RBMS3: variants seen among roughly 807,000 people sequenced by gnomAD.
RBMS3 encodes the protein RNA-binding motif, single-stranded-interacting protein 3.
In RBMS3, 27 loss-of-function variants were observed where a neutral mutation model predicts 66.8. The ratio of observed to expected loss-of-function variants is 0.40; its 90% confidence interval spans 0.30 to 0.56. The LOEUF (loss-of-function observed/expected upper bound fraction) is 0.56. Among genes scored for constraint, RBMS3 ranks in the 20% least tolerant of loss-of-function variants. The probability of loss-of-function intolerance (pLI) is 0.40; values close to 1 mark genes in which losing one functional copy is unlikely to be tolerated. For synonymous variants in RBMS3, 188 were observed against 183.0 expected (o/e 1.03, Z -0.22); for missense variants, 513 against 549.5 (o/e 0.93, Z 0.66).
Position 29,339,085 on chromosome 3 carries a change from C to T in RBMS3, c.75+57329C>T, listed in dbSNP as rs562872020. Among the ~76,000 whole-genome samples, 6 of 152,294 alleles carry T rather than the reference C, an allele frequency of 3.9e-5. No individual in the cohort carries two copies. In the South Asian group the frequency reaches 1.2e-3, roughly 32 times the overall value. ...CTCTAACTCTTGTTGGCCTCTCACC[C>T]CCACCTGTGGTATCCCCTGACAGGG... On this transcript the variant is annotated intron_variant, in intron 1 of 14. Transcript: ENST00000383767.
chr3:29,552,660 A>G (rs1484397511), intron 3 of RBMS3, among the ~76,000 whole-genome samples: 2 of 152,136 alleles, frequency 1.3e-5, no homozygotes, highest in African/African-American at 4.8e-5. Flanking sequence ...TTGGATATTG[A>G]CTGAAGAAAA....
At chr3:29,642,279 C>T (rs545761574) in intron 4 of RBMS3, among the ~76,000 whole-genome samples, 5 of 152,152 alleles carry the variant, frequency 3.3e-5, no homozygotes, top group African/African-American at 1.2e-4. Context: ...CTTATTTACA[C>T]CCAGGTTTCT....
chr3:29,685,671 C>T (rs2051700819), intron 4 of RBMS3, among the ~76,000 whole-genome samples: 1 of 152,160 alleles, frequency 6.6e-6, no homozygotes, highest in Non-Finnish European at 1.5e-5. Context: ...AGGAACTGTG[C>T]GACTCGACCT....
At chr3:29,939,077 A>G (rs1380633132) in intron 11 of RBMS3, among the ~76,000 whole-genome samples, 3 of 151,892 alleles carry the variant, frequency 2.0e-5, no homozygotes, top group Non-Finnish European at 4.4e-5. Context: ...CCATGGTATA[A>G]ATCACTTACC....
chr3:29,347,144 A>C (rs1452942949), intron 1 of RBMS3, among the ~76,000 whole-genome samples: 1 of 152,192 alleles, frequency 6.6e-6, no homozygotes, highest in Admixed American at 6.5e-5. Context: ...TGAGAGAGAC[A>C]AATAATGGGG....
Position 29,729,092 on chromosome 3 carries a change from T to C in RBMS3, c.400-10628T>C, listed in dbSNP as rs545239870. Reference sequence around the variant, plus strand: ...TTGGTTTGCTGCACCCATCAGCTTGTCATTTACATTAGGTATTTCTCCTAA... The same window carrying C: ...TTGGTTTGCTGCACCCATCAGCTTGCCATTTACATTAGGTATTTCTCCTAA... On this transcript the variant is annotated intron_variant, in intron 4 of 14. Coordinates refer to ENST00000383767, the MANE Select transcript of RBMS3 (RefSeq NM_001003793.3). 2.7e-4 allele frequency among the ~76,000 whole-genome samples: 41 copies of C among 152,218 alleles called. No individual in the cohort carries two copies. The South Asian group carries it at 8.5e-3, about 32-fold the overall frequency.
At chr3:29,794,757 C>G (rs1477578230) in intron 6 of RBMS3, among the ~76,000 whole-genome samples, 1 of 152,160 alleles carries the variant, frequency 6.6e-6, no homozygotes, top group Non-Finnish European at 1.5e-5. Flanking sequence ...CTTGAATCCT[C>G]AAGTTTAGGA....
chr3:29,341,967 T>G (rs879778611), intron 1 of RBMS3, among the ~76,000 whole-genome samples: 1 of 152,152 alleles, frequency 6.6e-6, no homozygotes, highest in African/African-American at 2.4e-5. Context: ...CTCTCGAATG[T>G]GCAACCTCAC....
intron 12 of RBMS3, among the ~76,000 whole-genome samples, chr3:29,981,756 C>G (rs950702896): frequency 3.3e-5 from 5 of 152,096 alleles, no homozygotes; most frequent in Non-Finnish European, 4.4e-5. Flanking sequence ...GTTGAAGCAG[C>G]CTTGCATCCC....
At chr3:29,605,750 AAGTTGACTTT>A (rs201887983) in intron 4 of RBMS3, among the ~76,000 whole-genome samples, 1,832 of 151,880 alleles carry the variant, frequency 0.012, 33 homozygotes, top group Admixed American at 0.043. Flanking sequence ...TATTCTCCCT[AAGTTGACTTT>A]AGTGGGTGGA....
At chr3:29,456,955 C>A (rs2042212223) in intron 2 of RBMS3, among the ~76,000 whole-genome samples, 2 of 152,256 alleles carry the variant, frequency 1.3e-5, no homozygotes, top group Middle Eastern at 3.4e-3. Context: ...TGGATAGGAT[C>A]TTTTGAAATG....
intron 1 of RBMS3, among the ~76,000 whole-genome samples, chr3:29,347,470 T>C (rs2036643462): frequency 6.6e-6 from 1 of 152,228 alleles, no homozygotes; most frequent in African/African-American, 2.4e-5. Context: ...CTTGTAATCC[T>C]ATTAAATTAT....
chr3:29,998,338 G>T (rs1023347264), intron 14 of RBMS3, among the ~76,000 whole-genome samples: 19 of 151,826 alleles, frequency 1.3e-4, no homozygotes, highest in Non-Finnish European at 2.1e-4. Context: ...TGGCCATACT[G>T]CCCAAGGTAA....
At chr3:29,902,120 C>G (rs1455051900) in intron 10 of RBMS3, among the ~76,000 whole-genome samples, 1 of 151,786 alleles carries the variant, frequency 6.6e-6, no homozygotes, top group African/African-American at 2.4e-5. Context: ...CTCATTAGGA[C>G]AGGAAACCCA....
At chr3:29,850,889 C>T (rs543862656) in intron 6 of RBMS3, among the ~76,000 whole-genome samples, 7 of 152,170 alleles carry the variant, frequency 4.6e-5, no homozygotes, top group Admixed American at 3.3e-4. Context: ...GTTCACTGGT[C>T]TCCTCTCCCA....
intron 14 of RBMS3, among the ~76,000 whole-genome samples, chr3:29,999,019 C>T (rs1699436841): frequency 6.6e-6 from 1 of 152,206 alleles, no homozygotes; most frequent in Admixed American, 6.5e-5. Flanking sequence ...GCAACCTACT[C>T]ATCTGACAAA....
In RBMS3 at chr3:29,913,077, G is replaced by A. The variant is rs1432386724; in HGVS notation, c.939+13322G>A. 2.0e-5 allele frequency among the ~76,000 whole-genome samples: 3 copies of A among 151,808 alleles called. No homozygotes were observed. In the East Asian group the frequency reaches 5.8e-4, roughly 29 times the overall value. On this transcript the variant is annotated intron_variant, in intron 10 of 14. Transcript: ENST00000383767. ...ACCTCTTGGCTATCATCACTAGGTG[G>A]CTCATAAAGTACTCATGATTTTAAC...
chr3:29,500,197 G>T (rs989919508), intron 3 of RBMS3, among the ~76,000 whole-genome samples: 7 of 151,226 alleles, frequency 4.6e-5, no homozygotes, highest in Admixed American at 2.6e-4. Context: ...ATGACGAGGG[G>T]TTCAAAGTGA....
rs78639657 is a variant in RBMS3 at position 29,693,355 on chromosome 3, G to A, written c.400-46365G>A. Among the ~76,000 whole-genome samples the A allele has an allele frequency of 5.7e-4, 87 of 152,220 alleles. 1 individual carries two copies. The East Asian group carries it at 0.013, about 23-fold the overall frequency. The stretch of plus-strand genomic sequence containing the variant: ...ATATTTTAAGGTGTTTCATGCCTGA[G>A]GAATAATGTCATTATTGAATGCATA... On this transcript the variant is annotated intron_variant, in intron 4 of 14. Coordinates refer to ENST00000383767, the MANE Select transcript of RBMS3 (RefSeq NM_001003793.3).
Sources: gnomAD v4.1 joint callset for allele counts (sites outside exome capture counted in the v4.1 genomes callset) on GRCh38, gnomAD v4.1.1 for gene constraint, MANE v1.5 for transcripts, NCBI Gene and HGNC (gene_info 2026-07-23, HGNC 2026-07-21) for gene names.